ARHGAP18: variants seen among roughly 807,000 people sequenced by gnomAD.
The protein encoded by ARHGAP18 is rho GTPase-activating protein 18.
ARHGAP18 carries 67 observed loss-of-function variants against 86.2 expected under a neutral mutation model. That is an observed-to-expected ratio of 0.78 (90% CI 0.64 to 0.95). The LOEUF (loss-of-function observed/expected upper bound fraction) is 0.95, where lower values mean the gene tolerates loss of function less well. Ranked by LOEUF, ARHGAP18 falls within the 40% of genes least tolerant of loss-of-function variation. The probability of loss-of-function intolerance (pLI) is 0.00; values close to 1 mark genes in which losing one functional copy is unlikely to be tolerated. For missense variants in ARHGAP18, 691 were observed against 780.4 expected, an observed-to-expected ratio of 0.89 and a Z score of 1.37; for synonymous variants, 283 against 280.4, an observed-to-expected ratio of 1.01 and a Z score of -0.09.
intron 1 of ARHGAP18, among the ~76,000 whole-genome samples, chr6:129,701,269 C>T (rs944401677): frequency 1.3e-5 from 2 of 152,118 alleles, no homozygotes; most frequent in Admixed American, 6.5e-5. Flanking sequence ...CATCATTACA[C>T]GATATGATTT....
intron 1 of ARHGAP18, among the ~76,000 whole-genome samples, chr6:129,691,224 C>T (rs907151799): frequency 6.6e-6 from 1 of 152,184 alleles, no homozygotes; most frequent in Non-Finnish European, 1.5e-5. Flanking sequence ...CACACTTTCC[C>T]TAACCTTATG....
chr6:129,678,912 A>G (rs1274783075), intron 1 of ARHGAP18, among the ~76,000 whole-genome samples: 1 of 152,216 alleles, frequency 6.6e-6, no homozygotes, highest in Non-Finnish European at 1.5e-5. Flanking sequence ...AAAATTCAGC[A>G]TATCACAAAC....
At chr6:129,702,466 CA>C (rs1774730802) in intron 1 of ARHGAP18, among the ~76,000 whole-genome samples, 2 of 152,120 alleles carry the variant, frequency 1.3e-5, no homozygotes, top group African/African-American at 4.8e-5. Flanking sequence ...ACATTTAGAA[CA>C]AACCATCTCT....
At chr6:129,633,823 C>T (rs181682632) in intron 4 of ARHGAP18, among the ~76,000 whole-genome samples, 126 of 152,168 alleles carry the variant, frequency 8.3e-4, no homozygotes, top group African/African-American at 3.0e-3. Context: ...CAGGAAGATA[C>T]GTATACGCAT....
chr6:129,710,142 G>T lies in ARHGAP18; in HGVS notation c.-6C>A. ...GAACTGGAGAGCCAGCTCATGGTGA[G>T]AGAAGGGACATACTTTCTGCGATCC... On this transcript the variant is annotated 5_prime_UTR_variant, in exon 1 of 15. Coordinates refer to ENST00000368149, the MANE Select transcript of ARHGAP18 (RefSeq NM_033515.3). 1 of 1,606,792 alleles carries T rather than the reference G, an allele frequency of 6.2e-7. No individual in the cohort carries two copies. The highest frequency in any genetic ancestry group is 8.5e-7 in the Non-Finnish European group (1 of 1,173,870).
At chr6:129,682,419 G>A (rs1376392781) in intron 1 of ARHGAP18, among the ~76,000 whole-genome samples, 1 of 152,116 alleles carries the variant, frequency 6.6e-6, no homozygotes, top group Non-Finnish European at 1.5e-5. Flanking sequence ...AACAATACAT[G>A]AGGTCTTACA....
intron 1 of ARHGAP18, among the ~76,000 whole-genome samples, chr6:129,666,773 A>G (rs1164392623): frequency 6.6e-6 from 1 of 152,234 alleles, no homozygotes; most frequent in Non-Finnish European, 1.5e-5. Context: ...ATACAGTTGT[A>G]AATACCACAT....
chr6:129,705,135 T>C (rs1774782640), intron 1 of ARHGAP18, among the ~76,000 whole-genome samples: 1 of 152,040 alleles, frequency 6.6e-6, no homozygotes, highest in Non-Finnish European at 1.5e-5. Flanking sequence ...CTGGTTTATT[T>C]CCCCCCATTA....
intron 5 of ARHGAP18, among the ~76,000 whole-genome samples, chr6:129,626,121 G>A (rs1789465894): frequency 1.1e-5 from 1 of 90,450 alleles, no homozygotes. Flanking sequence ...TAGAAGAAAA[G>A]CCTGGAAACA....
chr6:129,703,369 T>A (rs1203555225), intron 1 of ARHGAP18, among the ~76,000 whole-genome samples: 2 of 152,142 alleles, frequency 1.3e-5, no homozygotes, highest in Admixed American at 6.5e-5. Context: ...ACTCAAAATA[T>A]TAGAAAATTC....
Position 129,626,105 on chromosome 6 carries a change from C to CACACACATATAT in ARHGAP18, c.786+3247_786+3248insATATATGTGTGT, listed in dbSNP as rs1425322925. ...ACACACACACACACACACACACACACATATATAGAAGAAAAGCCTGGAAAC... is the reference window on the plus strand; with the variant it reads ...ACACACACACACACACACACACACACACACACATATATATATATAGAAGAAAAGCCTGGAAAC... On this transcript the variant is annotated intron_variant, in intron 5 of 14. Coordinates refer to ENST00000368149, the MANE Select transcript of ARHGAP18 (RefSeq NM_033515.3). Among the ~76,000 whole-genome samples, 1,226 of 124,782 alleles carry CACACACATATAT rather than the reference C, an allele frequency of 9.8e-3. 10 individuals are homozygous for CACACACATATAT. The highest frequency in any genetic ancestry group is 0.015 in the Non-Finnish European group (929 of 60,960). The allele number at this position is 124,782 out of a possible 152,430, so 81.9% of individuals were successfully genotyped here.
In ARHGAP18 at chr6:129,662,665, A is replaced by T. The variant is rs578024898; in HGVS notation, c.114-20647T>A. Among the ~76,000 whole-genome samples the T allele has an allele frequency of 2.2e-3, 328 of 152,336 alleles. 1 individual carries two copies. The highest frequency in any genetic ancestry group is 7.3e-3 in the African/African-American group (305 of 41,576). ...TGACCTTGTAGCCACAGGCAAAGTTAGCTGTTTGGTTAAAATCAGGGTACC... is the reference window on the plus strand; with the variant it reads ...TGACCTTGTAGCCACAGGCAAAGTTTGCTGTTTGGTTAAAATCAGGGTACC... On this transcript the variant is annotated intron_variant, in intron 1 of 14. Transcript: ENST00000368149.
intron 2 of ARHGAP18, among the ~76,000 whole-genome samples, chr6:129,640,143 A>C (rs1349747151): frequency 6.6e-6 from 1 of 152,178 alleles, no homozygotes; most frequent in Non-Finnish European, 1.5e-5. Context: ...TTGCCAGAAA[A>C]AAAACCTGAT....
At chr6:129,678,457 T>C (rs1160009616) in intron 1 of ARHGAP18, among the ~76,000 whole-genome samples, 4 of 152,208 alleles carry the variant, frequency 2.6e-5, no homozygotes, top group African/African-American at 7.2e-5. Flanking sequence ...TCTGTACTTA[T>C]GGAGATATAG....
intron 1 of ARHGAP18, among the ~76,000 whole-genome samples, chr6:129,673,104 G>T (rs1466131308): frequency 6.6e-6 from 1 of 152,144 alleles, no homozygotes; most frequent in African/African-American, 2.4e-5. Flanking sequence ...CCTTTCAAAA[G>T]ATCAGAATTG....
At chr6:129,693,019 C>A (rs1268239050) in intron 1 of ARHGAP18, among the ~76,000 whole-genome samples, 1 of 152,172 alleles carries the variant, frequency 6.6e-6, no homozygotes, top group Admixed American at 6.6e-5. Context: ...TATTTTAGAA[C>A]CTTTGGGTCT....
At chr6:129,670,725 A>C (rs6569618) in intron 1 of ARHGAP18, among the ~76,000 whole-genome samples, 73,684 of 146,078 alleles carry the variant, frequency 0.5, 19,355 homozygotes, top group African/African-American at 0.66. Flanking sequence ...CCCCACCAAG[A>C]CTTTCTCAGC....
chr6:129,678,985 A>G (rs1227964607), intron 1 of ARHGAP18, among the ~76,000 whole-genome samples: 2 of 152,240 alleles, frequency 1.3e-5, no homozygotes, highest in Non-Finnish European at 2.9e-5. Flanking sequence ...AATAAACTGT[A>G]GAATAAACTC....
At chr6:129,706,471 C>T (rs1006931286) in intron 1 of ARHGAP18, among the ~76,000 whole-genome samples, 5 of 152,196 alleles carry the variant, frequency 3.3e-5, no homozygotes, top group Non-Finnish European at 4.4e-5. Context: ...CTTAATCTGA[C>T]ATTCAATGAC....
Sources: allele counts gnomAD v4.1 joint callset (sites outside exome capture counted in the v4.1 genomes callset), GRCh38; gene constraint gnomAD v4.1.1; transcripts MANE v1.5; gene names NCBI Gene and HGNC (gene_info 2026-07-23, HGNC 2026-07-21).